Variants in ZNF827 observed in about 807,000 individuals in gnomAD.
The protein encoded by ZNF827 is zinc finger protein 827.
Under a neutral mutation model 102.4 loss-of-function variants are expected in ZNF827, and 13 were observed. The observed-to-expected ratio is 0.13, with a 90% CI of 0.08 to 0.20. The LOEUF (loss-of-function observed/expected upper bound fraction) is 0.20. Among genes scored for constraint, ZNF827 ranks in the 10% least tolerant of loss-of-function variants. The pLI is 1.00. For missense variants in ZNF827, 1,103 were observed against 1,344.4 expected, an observed-to-expected ratio of 0.82 and a Z score of 2.81; for synonymous variants, 523 against 536.2, an observed-to-expected ratio of 0.98 and a Z score of 0.34.
At chr4:145,769,538 A>G (rs1421136045) in intron 11 of ZNF827, among the ~76,000 whole-genome samples, 1 of 152,260 alleles carries the variant, frequency 6.6e-6, no homozygotes, top group Non-Finnish European at 1.5e-5. Flanking sequence ...TAATAAATGT[A>G]TAAAGATACA....
chr4:145,812,281 G>T (rs1473997496), intron 8 of ZNF827, among the ~76,000 whole-genome samples: 2 of 151,960 alleles, frequency 1.3e-5, no homozygotes, highest in African/African-American at 4.8e-5. Flanking sequence ...ATGACTGGGA[G>T]ATTTATTATC....
At chr4:145,893,299 T>C (rs1478226066) in intron 2 of ZNF827, among the ~76,000 whole-genome samples, 1 of 152,240 alleles carries the variant, frequency 6.6e-6, no homozygotes, top group Admixed American at 6.5e-5. Context: ...AGTGCCACAC[T>C]AGCCTCTGCA....
At chr4:145,789,938 T>C (rs533339793) in intron 8 of ZNF827, among the ~76,000 whole-genome samples, 17 of 152,380 alleles carry the variant, frequency 1.1e-4, no homozygotes, top group African/African-American at 4.1e-4. Flanking sequence ...CAACTCCTCT[T>C]TGGCCTCTTC....
At chr4:145,925,467 G>A (rs1753356403) in intron 1 of ZNF827, among the ~76,000 whole-genome samples, 1 of 152,124 alleles carries the variant, frequency 6.6e-6, no homozygotes, top group Admixed American at 6.5e-5. Flanking sequence ...TTATCATATT[G>A]ATTTGACTTA....
At chr4:145,862,718 T>A (rs771918497) in intron 5 of ZNF827, among the ~76,000 whole-genome samples, 3 of 152,230 alleles carry the variant, frequency 2.0e-5, no homozygotes, top group Non-Finnish European at 2.9e-5. Flanking sequence ...TCCACTGAGG[T>A]ATTATTCAAT....
At chr4:145,774,449 G>T in intron 11 of ZNF827, 57 bp downstream of exon 11, 14 of 1,559,798 alleles carry the variant, frequency 9.0e-6, no homozygotes, top group Non-Finnish European at 1.2e-5. Context: ...GGTGGCAGGT[G>T]CTCTGGGGTG....
In ZNF827 at chr4:145,823,411, T is replaced by C; in HGVS notation, c.2383+11A>G. 6.2e-7 allele frequency: 1 copy of C among 1,609,676 alleles called. No homozygotes were observed. Among genetic ancestry groups the C allele is most frequent in the South Asian group, 1.1e-5 (1 of 90,482 alleles). On this transcript the variant is annotated intron_variant, in intron 8 of 14. Coordinates refer to ENST00000508784, the MANE Select transcript of ZNF827 (RefSeq NM_001306215.2). ...TCAACAGTAGAAGCAAAGCCAACAA[T>C]GTTTCCATACCTGGAGCTGATATTC...
At chr4:145,869,111 A>G (rs1273036263) in intron 5 of ZNF827, among the ~76,000 whole-genome samples, 7 of 152,254 alleles carry the variant, frequency 4.6e-5, no homozygotes, top group African/African-American at 1.7e-4. Context: ...TATGATAAGA[A>G]TGTAATGATT....
chr4:145,875,025 T>C (rs558982197), intron 4 of ZNF827, among the ~76,000 whole-genome samples: 60 of 152,326 alleles, frequency 3.9e-4, no homozygotes, highest in African/African-American at 1.2e-3. Context: ...GCTGCTGGGA[T>C]AAGATGATTC....
At chr4:145,824,546 G>T (rs1457812850) in intron 7 of ZNF827, among the ~76,000 whole-genome samples, 1 of 152,178 alleles carries the variant, frequency 6.6e-6, no homozygotes, top group Admixed American at 6.5e-5. Context: ...GATAAATGGA[G>T]CCCAGGTCAT....
At chr4:145,781,174 C>CA (rs149684472) in intron 8 of ZNF827, among the ~76,000 whole-genome samples, 3,471 of 104,470 alleles carry the variant, frequency 0.033, 160 homozygotes, top group African/African-American at 0.12. Flanking sequence ...CCAGCCCGGG[C>CA]AACAGAACGA....
intron 1 of ZNF827, among the ~76,000 whole-genome samples, chr4:145,903,581 C>T (rs1751598380): frequency 6.6e-6 from 1 of 152,156 alleles, no homozygotes. Flanking sequence ...ATGTTTAGCA[C>T]TGTGACAGAA....
chr4:145,851,431 G>T (rs1450466182), intron 5 of ZNF827, among the ~76,000 whole-genome samples: 1 of 152,060 alleles, frequency 6.6e-6, no homozygotes, highest in African/African-American at 2.4e-5. Flanking sequence ...AGCTGGGAGG[G>T]CCAAAAAGCT....
intron 8 of ZNF827, among the ~76,000 whole-genome samples, chr4:145,794,487 T>C (rs1740166936): frequency 6.6e-6 from 1 of 151,986 alleles, no homozygotes; most frequent in South Asian, 2.1e-4. Flanking sequence ...AGGAGTTGGA[T>C]ACCAGCCTGG....
At chr4:145,913,425 CAAAAAAAAAAA>C (rs775706430) in intron 1 of ZNF827, among the ~76,000 whole-genome samples, 2 of 73,344 alleles carry the variant, frequency 2.7e-5, no homozygotes, top group African/African-American at 5.2e-5. Context: ...GACCCTGTCT[CAAAAAAAAAAA>C]AAAAAAAAAA....
Position 145,868,354 on chromosome 4 carries a change from G to T in ZNF827, c.1981+1891C>A, listed in dbSNP as rs556265804. Among the ~76,000 whole-genome samples, 68 of 117,400 alleles carry T rather than the reference G, an allele frequency of 5.8e-4. No homozygotes were observed. The East Asian group carries it at 0.016, about 28-fold the overall frequency. 77.0% of individuals were successfully genotyped at this position (117,400 alleles called of 152,430 possible). A position where few individuals can be genotyped will look rare whatever the true frequency, so the allele number is the denominator to read the frequency against. ...TTTGCACACAGAATGCTGAGGATTTGAGGATTTTTTTTCAGGGCAAAAATA... is the reference window on the plus strand; with the variant it reads ...TTTGCACACAGAATGCTGAGGATTTTAGGATTTTTTTTCAGGGCAAAAATA... On this transcript the variant is annotated intron_variant, in intron 5 of 14. Transcript: ENST00000508784.
intron 1 of ZNF827, among the ~76,000 whole-genome samples, chr4:145,917,561 G>C (rs529572591): frequency 4.4e-4 from 67 of 151,838 alleles, no homozygotes; most frequent in African/African-American, 1.6e-3. Context: ...TGTTGCACTG[G>C]CAATTGTTTC....
At chr4:145,880,060 C>T (rs1468605915) in intron 4 of ZNF827, among the ~76,000 whole-genome samples, 1 of 152,114 alleles carries the variant, frequency 6.6e-6, no homozygotes. Flanking sequence ...TACGGTGAAA[C>T]CCCATCTCTA....
intron 5 of ZNF827, among the ~76,000 whole-genome samples, chr4:145,869,863 A>G (rs549769121): frequency 2.6e-5 from 4 of 152,226 alleles, no homozygotes; most frequent in African/African-American, 9.6e-5. Context: ...TAAAGAGTGT[A>G]GTATAAATAC....
Sources: allele counts gnomAD v4.1 joint callset (sites outside exome capture counted in the v4.1 genomes callset), GRCh38; gene constraint gnomAD v4.1.1; transcripts MANE v1.5; gene names NCBI Gene and HGNC (gene_info 2026-07-23, HGNC 2026-07-21).